Variants in SLC9C2 observed in about 807,000 individuals in gnomAD.
SLC9C2 encodes the protein sodium/hydrogen exchanger 11.
SLC9C2 carries 75 observed loss-of-function variants against 140.2 expected under a neutral mutation model. The ratio of observed to expected loss-of-function variants is 0.53; its 90% CI spans 0.44 to 0.65. SLC9C2 has a LOEUF of 0.65. Ranked by LOEUF, SLC9C2 falls within the 30% of genes least tolerant of loss-of-function variation. SLC9C2 has a pLI of 0.00. For missense variants in SLC9C2, 1,074 were observed against 1,331.8 expected (o/e 0.81, Z 3.01); for synonymous variants, 375 against 420.9 (o/e 0.89, Z 1.34).
chr1:173,550,911 G>GAAT (rs1663250951), intron 11 of SLC9C2, among the ~76,000 whole-genome samples: 1 of 71,384 alleles, frequency 1.4e-5, no homozygotes, highest in Non-Finnish European at 2.8e-5. Flanking sequence ...AGAGAGAGAA[G>GAAT]GAAGGGAAGG....
At chr1:173,602,539 T>C (rs1666851498) in intron 1 of SLC9C2, among the ~76,000 whole-genome samples, 1 of 152,152 alleles carries the variant, frequency 6.6e-6, no homozygotes. Context: ...ATGAAGCCTG[T>C]CAACAAGGCA....
chr1:173,600,589 T>C (rs1404984304), intron 2 of SLC9C2, among the ~76,000 whole-genome samples: 2 of 152,110 alleles, frequency 1.3e-5, no homozygotes, highest in Non-Finnish European at 2.9e-5. Context: ...TTGTATTAAA[T>C]GCATTTCAAC....
chr1:173,560,593 C>T (rs1461025), intron 9 of SLC9C2, among the ~76,000 whole-genome samples: 80,364 of 151,950 alleles, frequency 0.53, 23,615 homozygotes, highest in East Asian at 0.95. Context: ...CCTTGCCCAA[C>T]TCTGCCTTCC....
chr1:173,501,780 G>T (rs1659292828), intron 27 of SLC9C2, among the ~76,000 whole-genome samples: 1 of 152,034 alleles, frequency 6.6e-6, no homozygotes, highest in Non-Finnish European at 1.5e-5. Context: ...GGCCCTAGGA[G>T]GGCTGCCTAA....
intron 4 of SLC9C2, 95 bp from the exon 5 acceptor site, chr1:173,587,925 A>G: frequency 1.1e-6 from 1 of 907,688 alleles, no homozygotes; most frequent in South Asian, 2.2e-5. Context: ...TTGGTTGTAA[A>G]TGTTATACAA....
At chr1:173,509,352 G>A (rs1354649599) in intron 24 of SLC9C2, among the ~76,000 whole-genome samples, 1 of 151,944 alleles carries the variant, frequency 6.6e-6, no homozygotes, top group Non-Finnish European at 1.5e-5. Flanking sequence ...GGCTGAGGCA[G>A]GAGAATTGCT....
intron 13 of SLC9C2, among the ~76,000 whole-genome samples, chr1:173,546,562 C>G (rs2102051153): frequency 6.6e-6 from 1 of 152,156 alleles, no homozygotes; most frequent in South Asian, 2.1e-4. Flanking sequence ...GCCTGGATGA[C>G]AGAGTCAGAC....
At chr1:173,517,766 A>G (rs1660521644) in intron 22 of SLC9C2, 62 bp from the exon 23 acceptor site, 2 of 1,385,856 alleles carry the variant, frequency 1.4e-6, no homozygotes, top group Non-Finnish European at 1.9e-6. Flanking sequence ...TGATCAAATC[A>G]TAGGAGCTCC....
At chr1:173,503,672 G>A (rs1659434631) in intron 26 of SLC9C2, among the ~76,000 whole-genome samples, 1 of 152,170 alleles carries the variant, frequency 6.6e-6, no homozygotes, top group Non-Finnish European at 1.5e-5. Flanking sequence ...CCACATACAG[G>A]AATGAGGGCT....
intron 22 of SLC9C2, among the ~76,000 whole-genome samples, chr1:173,520,476 A>T (rs771668721): frequency 2.0e-5 from 3 of 152,108 alleles, no homozygotes; most frequent in Non-Finnish European, 4.4e-5. Flanking sequence ...ATCTCCTTTT[A>T]TCCCTCTACT....
At chr1:173,521,219 C>G in intron 22 of SLC9C2, 82 bp downstream of exon 22, 2 of 788,742 alleles carry the variant, frequency 2.5e-6, no homozygotes, top group Non-Finnish European at 3.8e-6. Context: ...TTTTCAGTAT[C>G]TAAATTTATT....
chr1:173,518,031 C>T (rs1453538486), intron 22 of SLC9C2, among the ~76,000 whole-genome samples: 3 of 152,090 alleles, frequency 2.0e-5, no homozygotes, highest in African/African-American at 2.4e-5. Flanking sequence ...GAGGCCAAGG[C>T]GGGCGGATCA....
At chr1:173,529,382 C>T (rs562651963) in intron 18 of SLC9C2, among the ~76,000 whole-genome samples, 17 of 152,102 alleles carry the variant, frequency 1.1e-4, no homozygotes, top group African/African-American at 4.1e-4. Context: ...AGGATTCACT[C>T]CACCTCTAGG....
intron 18 of SLC9C2, among the ~76,000 whole-genome samples, chr1:173,527,880 A>T (rs951071878): frequency 4.8e-4 from 73 of 152,216 alleles, no homozygotes; most frequent in Non-Finnish European, 9.7e-4. Context: ...CTCATTTTGA[A>T]TATAAGAATA....
chr1:173,536,057 C>A, intron 14 of SLC9C2, 108 bp from the exon 15 acceptor site: 1 of 948,384 alleles, frequency 1.1e-6, no homozygotes, highest in Non-Finnish European at 1.5e-6. Context: ...ATGGACCCAC[C>A]AAATAAGCTC....
chr1:173,526,475 C>A (rs1661206364), intron 19 of SLC9C2, among the ~76,000 whole-genome samples, 188 bp downstream of exon 19: 2 of 152,182 alleles, frequency 1.3e-5, no homozygotes, highest in African/African-American at 2.4e-5. Context: ...CAAGATTCTG[C>A]ACTGTTTAAG....
intron 11 of SLC9C2, 25 bp from the exon 12 acceptor site, chr1:173,548,577 C>T: frequency 6.2e-7 from 1 of 1,612,512 alleles, no homozygotes. Context: ...AAAGCAAAGG[C>T]CTTAATAGAG....
intron 9 of SLC9C2, among the ~76,000 whole-genome samples, chr1:173,563,217 AG>A (rs1189883278): frequency 6.6e-6 from 1 of 151,690 alleles, no homozygotes; most frequent in Non-Finnish European, 1.5e-5. Context: ...CCAGCTGATG[AG>A]GGGGGCAGGG....
At position 173,529,957 on chromosome 1, in the gene SLC9C2, T is replaced by C. The variant is rs1661459912; in HGVS notation, c.2261A>G (p.Glu754Gly). 6.2e-7 allele frequency: 1 copy of C among 1,612,930 alleles called. No homozygotes were observed. The highest frequency in any genetic ancestry group is 1.3e-5 in the African/African-American group (1 of 74,834). The stretch of plus-strand genomic sequence containing the variant: ...TTGTTTTATTAGAAGTTTGGCATCT[T>C]CTTGACTTTTGATATAGCCTTTTGT... ...SITKGYIKSQEDAKLLIKQIA... is the reference protein window; with the variant it reads ...SITKGYIKSQGDAKLLIKQIA... Residue 754 changes from glutamate (E) to glycine (G), a missense_variant, in exon 18 of 28, where the codon GAA (glutamate) becomes GGA (glycine). Physicochemically the swap from Glu to Gly is moderately conservative, Grantham distance 98 (BLOSUM62 -2). Coordinates refer to ENST00000367714, the MANE Select transcript of SLC9C2 (RefSeq NM_178527.4).
Sources: gnomAD v4.1 joint callset for allele counts (sites outside exome capture counted in the v4.1 genomes callset) on GRCh38, gnomAD v4.1.1 for gene constraint, MANE v1.5 for transcripts, NCBI Gene and HGNC (gene_info 2026-07-23, HGNC 2026-07-21) for gene names.